TRPC4: variants seen among roughly 807,000 people sequenced by gnomAD.
TRPC4 encodes transient receptor potential cation channel subfamily C member 4, also known as short transient receptor potential channel 4.
A neutral mutation model predicts 99.4 loss-of-function variants in TRPC4; 49 were observed. That is an observed-to-expected ratio of 0.49 (90% confidence interval 0.39 to 0.63). The LOEUF is 0.63. TRPC4 is among the 20% of genes least tolerant of loss of function. The probability of loss-of-function intolerance (pLI) is 0.00; values close to 1 mark genes in which losing one functional copy is unlikely to be tolerated. For missense variants in TRPC4, 898 were observed against 1,152.9 expected (o/e 0.78, Z 3.20); for synonymous variants, 454 against 425.9 (o/e 1.07, Z -0.81).
chr13:37,633,446 A>G lies in TRPC4; in HGVS notation c.*3457T>C, dbSNP rs993435888. On this transcript the variant is annotated 3_prime_UTR_variant, in exon 11 of 11. Coordinates refer to ENST00000379705, the MANE Select transcript of TRPC4 (RefSeq NM_016179.4). Reference sequence around the variant, plus strand: ...TTCAAAACTTGGTGGCCTCTCTTCAATAAAGAGCTGTGAGACTGGATAGTC... The same window carrying G: ...TTCAAAACTTGGTGGCCTCTCTTCAGTAAAGAGCTGTGAGACTGGATAGTC... Among the ~76,000 whole-genome samples, 3 of 152,166 alleles carry G rather than the reference A, an allele frequency of 2.0e-5. No homozygotes were observed. Among genetic ancestry groups the G allele is most frequent in the South Asian group, 2.1e-4 (1 of 4,830 alleles).
chr13:37,864,989 GA>G (rs1165731206), intron 1 of TRPC4, among the ~76,000 whole-genome samples: 10 of 151,708 alleles, frequency 6.6e-5, no homozygotes, highest in Non-Finnish European at 1.0e-4. Flanking sequence ...AATATCTACT[GA>G]ATGGATAAGA....
In TRPC4 at chr13:37,639,105, G is replaced by A; in HGVS notation, c.2146C>T (p.Arg716Ter). ...TCTCTAATCATTGCAGCAACGTATC[G>A]CTTCACCAGGTTCCTCATAACTTCC... ...YQEVMRNLVK[R>*]YVAAMIRDAK... Residue 716 changes from arginine (R) to a stop codon, truncating the protein, a stop_gained, in exon 10 of 11, where the codon CGA (arginine) becomes TGA (stop). Coordinates refer to ENST00000379705, the MANE Select transcript of TRPC4 (RefSeq NM_016179.4). LOFTEE classifies it high-confidence loss of function. The A allele has an allele frequency of 1.2e-6, 2 of 1,613,610 alleles. No homozygotes were observed. The highest frequency in any genetic ancestry group is 1.7e-6 in the Non-Finnish European group (2 of 1,179,614).
intron 2 of TRPC4, among the ~76,000 whole-genome samples, chr13:37,764,938 G>C (rs1175691221): frequency 6.7e-6 from 1 of 150,044 alleles, no homozygotes; most frequent in Non-Finnish European, 1.5e-5. Context: ...ATATTTTTGA[G>C]TGAGATGAGC....
Position 37,830,712 on chromosome 13 carries a change from T to TA in TRPC4, c.-28+38882dup, listed in dbSNP as rs926081158. Reference sequence around the variant, plus strand: ...GGACAACCAGAGCGAAATTCCGTTTTAAAAAAAAAAAAGTCTGCTTAAGCA... The same window carrying TA: ...GGACAACCAGAGCGAAATTCCGTTTTAAAAAAAAAAAAAGTCTGCTTAAGCA... On this transcript the variant is annotated intron_variant, in intron 1 of 10. Coordinates refer to ENST00000379705, the MANE Select transcript of TRPC4 (RefSeq NM_016179.4). Among the ~76,000 whole-genome samples, 538 of 142,858 alleles carry TA rather than the reference T, an allele frequency of 3.8e-3. 2 individuals are homozygous for TA. The highest frequency in any genetic ancestry group is 0.012 in the African/African-American group (487 of 39,466). The allele number at this position is 142,858 out of a possible 152,430, so 93.7% of individuals were successfully genotyped here.
intron 2 of TRPC4, among the ~76,000 whole-genome samples, chr13:37,746,753 A>G (rs3829362): frequency 0.01 from 1,529 of 152,190 alleles, 13 homozygotes; most frequent in South Asian, 0.03. Flanking sequence ...TTTCTTTTAA[A>G]TAAGCCCAAC....
intron 1 of TRPC4, among the ~76,000 whole-genome samples, chr13:37,862,958 A>G (rs1197575315): frequency 6.6e-6 from 1 of 151,538 alleles, no homozygotes; most frequent in African/African-American, 2.4e-5. Context: ...TTTTTACTGT[A>G]CTTTTTCTAT....
At chr13:37,832,929 G>A (rs1310758797) in intron 1 of TRPC4, among the ~76,000 whole-genome samples, 1 of 152,060 alleles carries the variant, frequency 6.6e-6, no homozygotes, top group African/African-American at 2.4e-5. Context: ...TGTTAGATGT[G>A]TTTTTATTTA....
chr13:37,657,804 A>G (rs1952287530), intron 6 of TRPC4, among the ~76,000 whole-genome samples: 1 of 152,190 alleles, frequency 6.6e-6, no homozygotes, highest in Non-Finnish European at 1.5e-5. Context: ...TGATGTTTAA[A>G]AAAATTTAAA....
At chr13:37,752,075 C>CTATATATATGTGTATATATATA (rs1555266914) in intron 2 of TRPC4, among the ~76,000 whole-genome samples, 5 of 73,952 alleles carry the variant, frequency 6.8e-5, no homozygotes, top group Non-Finnish European at 2.7e-5. Flanking sequence ...AAGCAGAAAA[C>CTATATATATGTGTATATATATA]TATATATATA....
At chr13:37,824,908 C>A (rs915978135) in intron 1 of TRPC4, among the ~76,000 whole-genome samples, 1 of 151,998 alleles carries the variant, frequency 6.6e-6, no homozygotes, top group African/African-American at 2.4e-5. Flanking sequence ...GTCCTGGACT[C>A]TTTTTGGTTG....
intron 1 of TRPC4, among the ~76,000 whole-genome samples, chr13:37,792,407 G>A (rs2139393322): frequency 6.6e-6 from 1 of 152,180 alleles, no homozygotes; most frequent in African/African-American, 2.4e-5. Flanking sequence ...ATATTTAGAT[G>A]TATATACGAT....
chr13:37,721,907 G>C (rs920139143), intron 3 of TRPC4, among the ~76,000 whole-genome samples: 12 of 152,170 alleles, frequency 7.9e-5, no homozygotes, highest in Admixed American at 3.9e-4. Context: ...AAAATGCTGA[G>C]ATGACAGGTG....
intron 3 of TRPC4, among the ~76,000 whole-genome samples, chr13:37,735,261 G>A (rs1955360417): frequency 6.6e-6 from 1 of 152,002 alleles, no homozygotes; most frequent in South Asian, 2.1e-4. Flanking sequence ...TCAAGCAGAA[G>A]TTTATATCTC....
Position 37,663,650 on chromosome 13 carries a change from T to A in TRPC4, c.1454A>T (p.Asn485Ile). ...GATCAGACGCAGAGAACTGAAGATG[T>A]TTGCAATAGCAAATAAAGCCTCTGC... ...LVAEALFAIA[N>I]IFSSLRLISL... is the part of the protein sequence containing the mutation. Residue 485 changes from asparagine to isoleucine, a missense_variant, in exon 6 of 11, where the codon AAC (asparagine) becomes ATC (isoleucine). Asn to Ile is a moderately radical substitution (Grantham distance 149, BLOSUM62 -3). Around this residue, in one of 3 missense-constraint regions of TRPC4, gnomAD observed 274 missense variants for 454.9 expected, o/e 0.60. Transcript: ENST00000379705. 1 of 1,614,100 alleles carries A rather than the reference T, an allele frequency of 6.2e-7. No individual in the cohort carries two copies. The highest frequency in any genetic ancestry group is 1.1e-5 in the South Asian group (1 of 91,074).
At chr13:37,739,657 C>T (rs1236137712) in intron 3 of TRPC4, among the ~76,000 whole-genome samples, 1 of 151,778 alleles carries the variant, frequency 6.6e-6, no homozygotes, top group Non-Finnish European at 1.5e-5. Flanking sequence ...AGGCACCCAC[C>T]ACCATGCCCA....
chr13:37,827,584 G>A (rs1190318191), intron 1 of TRPC4, among the ~76,000 whole-genome samples: 3 of 151,958 alleles, frequency 2.0e-5, no homozygotes, highest in African/African-American at 4.8e-5. Flanking sequence ...TAGGCTGCTC[G>A]GGGGTCAGGG....
At chr13:37,711,285 C>T (rs1241545855) in intron 3 of TRPC4, among the ~76,000 whole-genome samples, 3 of 151,864 alleles carry the variant, frequency 2.0e-5, no homozygotes, top group Non-Finnish European at 4.4e-5. Context: ...AATAGATGAT[C>T]ATAGAAATGG....
At chr13:37,689,226 A>C (rs1316996711) in intron 4 of TRPC4, among the ~76,000 whole-genome samples, 1 of 152,184 alleles carries the variant, frequency 6.6e-6, no homozygotes, top group Non-Finnish European at 1.5e-5. Context: ...GAAGACACTG[A>C]AAATCCTGAG....
At chr13:37,638,746 A>C (rs1173141069) in intron 10 of TRPC4, among the ~76,000 whole-genome samples, 1 of 152,210 alleles carries the variant, frequency 6.6e-6, no homozygotes, top group Non-Finnish European at 1.5e-5. Context: ...TTCGGATTTA[A>C]AAATCAGGCT....
Sources: allele counts gnomAD v4.1 joint callset (sites outside exome capture counted in the v4.1 genomes callset), GRCh38; gene constraint gnomAD v4.1.1; regional missense constraint gnomAD v4.1.1; transcripts MANE v1.5; gene names NCBI Gene and HGNC (gene_info 2026-07-23, HGNC 2026-07-21).